PRKDC: variants seen among roughly 807,000 people sequenced by gnomAD.
The protein encoded by PRKDC is DNA-dependent protein kinase catalytic subunit.
PRKDC carries 82 observed loss-of-function variants against 486.9 expected under a neutral mutation model. The ratio of observed to expected loss-of-function variants is 0.17; its 90% CI spans 0.14 to 0.20. The LOEUF is 0.20. PRKDC is among the 10% of genes least tolerant of loss of function. The pLI is 1.00. For missense variants in PRKDC, 4,504 were observed against 5,038.2 expected (o/e 0.89, Z 3.21); for synonymous variants, 1,895 against 1,837.0 (o/e 1.03, Z -0.81).
At chr8:47,794,157 G>C in intron 74 of PRKDC, 133 bp downstream of exon 74, 1 of 739,240 alleles carries the variant, frequency 1.4e-6, no homozygotes. Flanking sequence ...TCAACAAAGC[G>C]ACGGCTAAGA....
At chr8:47,821,174 A>G (rs1440667546) in intron 65 of PRKDC, among the ~76,000 whole-genome samples, 1 of 152,190 alleles carries the variant, frequency 6.6e-6, no homozygotes, top group Non-Finnish European at 1.5e-5. Context: ...AAAAATGGGA[A>G]CTACTTTTGG....
chr8:47,788,516 A>G (rs1054072281), intron 76 of PRKDC, among the ~76,000 whole-genome samples: 1 of 152,198 alleles, frequency 6.6e-6, no homozygotes, highest in Non-Finnish European at 1.5e-5. Context: ...GTATCTCCTG[A>G]GCACCCAGAA....
At chr8:47,798,873 A>G (rs927552657) in intron 72 of PRKDC, among the ~76,000 whole-genome samples, 2 of 151,290 alleles carry the variant, frequency 1.3e-5, no homozygotes, top group Admixed American at 1.3e-4. Context: ...GCAGTAGTGG[A>G]TATCGGCTCA....
intron 9 of PRKDC, among the ~76,000 whole-genome samples, 166 bp downstream of exon 9, chr8:47,943,687 T>A (rs2090483097): frequency 6.6e-6 from 1 of 152,238 alleles, no homozygotes; most frequent in South Asian, 2.1e-4. Context: ...TATCAGCATT[T>A]CAACCAGAGC....
In PRKDC at chr8:47,836,555, T is replaced by TA. The variant is rs912754980; in HGVS notation, c.7762-29dup. The TA allele has an allele frequency of 3.9e-6, 6 of 1,533,382 alleles. No homozygotes were observed. The African/African-American group carries it at 8.2e-5, about 21-fold the overall frequency. 95.0% of individuals were successfully genotyped at this position (1,533,382 alleles called of 1,614,324 possible). ...GTACATAAGAAAGTTTCAAATGAAA[T>TA]AAAGTTTCAAATGAAATAATGCTCC... On this transcript the variant is annotated intron_variant, in intron 57 of 85. Transcript: ENST00000314191.
chr8:47,838,598 C>A (rs965793242), intron 56 of PRKDC, among the ~76,000 whole-genome samples: 1 of 152,144 alleles, frequency 6.6e-6, no homozygotes, highest in African/African-American at 2.4e-5. Context: ...GGTGCCAGAG[C>A]AAGACCTCAT....
At chr8:47,881,889 T>C (rs1272561236) in intron 37 of PRKDC, 23 bp downstream of exon 37, 1 of 1,574,728 alleles carries the variant, frequency 6.4e-7, no homozygotes, top group Non-Finnish European at 8.6e-7. Flanking sequence ...TAAACATGAC[T>C]GCTTTTTAAA....
chr8:47,900,367 A>G lies in PRKDC; in HGVS notation c.3364+6T>C. The G allele has an allele frequency of 1.9e-6, 3 of 1,599,124 alleles. No individual in the cohort carries two copies. The highest frequency in any genetic ancestry group is 2.6e-6 in the Non-Finnish European group (3 of 1,173,620). On this transcript the variant is annotated splice_donor_region_variant and intron_variant, in intron 28 of 85. Transcript: ENST00000314191. ...AACGCACACAGAACACTGAAGCAAA[A>G]CGTACCTAAGGACTTCTCATCTGCA...
intron 21 of PRKDC, among the ~76,000 whole-genome samples, chr8:47,919,956 C>G (rs959755808): frequency 2.6e-5 from 4 of 152,056 alleles, no homozygotes; most frequent in African/African-American, 4.8e-5. Flanking sequence ...CCTGACCCAC[C>G]CAGGGCAGAA....
intron 36 of PRKDC, among the ~76,000 whole-genome samples, chr8:47,885,055 C>T (rs2089297608): frequency 6.6e-6 from 1 of 152,216 alleles, no homozygotes; most frequent in Non-Finnish European, 1.5e-5. Flanking sequence ...CAATACCCTG[C>T]ATAGCTGTGC....
chr8:47,892,841 T>C (rs943349572), intron 31 of PRKDC, among the ~76,000 whole-genome samples: 19 of 152,248 alleles, frequency 1.2e-4, no homozygotes, highest in South Asian at 2.1e-4. Flanking sequence ...ACAGTATTCA[T>C]TGTTCATGGA....
intron 29 of PRKDC, among the ~76,000 whole-genome samples, chr8:47,897,861 T>C (rs546216399): frequency 1.6e-4 from 25 of 152,330 alleles, no homozygotes; most frequent in Admixed American, 3.3e-4. Flanking sequence ...CCAGTCCACA[T>C]GGGACTGTGC....
At chr8:47,834,069 T>C in intron 59 of PRKDC, 127 bp downstream of exon 59, 5 of 1,267,310 alleles carry the variant, frequency 3.9e-6, no homozygotes, top group Non-Finnish European at 5.6e-6. Flanking sequence ...CAACATTAAC[T>C]GAATTTTAAA....
rs368939598 is a variant in PRKDC, at chr8:47,907,396, C to CTATATATA, written c.2935-2428_2935-2421dup. On this transcript the variant is annotated intron_variant, in intron 25 of 85. Transcript: ENST00000314191. ...AGTTTTTTAATACATGTATACATAGCTATATATATATATATACACACACAC... is the reference window on the plus strand; with the variant it reads ...AGTTTTTTAATACATGTATACATAGCTATATATATATATATATATATATACACACACAC... Among the ~76,000 whole-genome samples, 422 of 144,116 alleles carry CTATATATA rather than the reference C, an allele frequency of 2.9e-3. 3 individuals are homozygous for CTATATATA. Among genetic ancestry groups the CTATATATA allele is most frequent in the South Asian group, 0.018 (78 of 4,456 alleles). The allele number at this position is 144,116 out of a possible 152,430, so 94.5% of individuals were successfully genotyped here.
chr8:47,782,886 T>C lies in PRKDC; in HGVS notation c.11176-288A>G, dbSNP rs144272057. 0.017 allele frequency: 7,980 copies of C among 467,866 alleles called. 112 individuals are homozygous for C. The highest frequency in any genetic ancestry group is 0.032 in the Middle Eastern group (56 of 1,762). 29.0% of individuals were successfully genotyped at this position (467,866 alleles called of 1,614,324 possible). ...ACTTTCTACAGTAGTAAGCTAATGC[T>C]ACACATATTTTATAGTGGATACTCA... On this transcript the variant is annotated intron_variant, in intron 78 of 85. Coordinates refer to ENST00000314191, the MANE Select transcript of PRKDC (RefSeq NM_006904.7). This position sits in a 1 kb window ranked among gnomAD's most constrained non-coding sequence, Gnocchi z 4.9.
Position 47,816,161 on chromosome 8 carries a change from C to T in PRKDC, c.9557+1289G>A, listed in dbSNP as rs1380977171. On this transcript the variant is annotated intron_variant, in intron 68 of 85. Transcript: ENST00000314191. ...CCTGGGAGGCGGAGGTTGCAGTGAG[C>T]TGAGATTGTGCCACCGCACTCCAGC... is the stretch of plus-strand genomic sequence containing the variant. Among the ~76,000 whole-genome samples, 6 of 151,864 alleles carry T rather than the reference C, an allele frequency of 4.0e-5. No homozygotes were observed. In the East Asian group the frequency reaches 1.2e-3, roughly 29 times the overall value.
chr8:47,779,912 C>CTTTT (rs925534980), intron 80 of PRKDC, among the ~76,000 whole-genome samples: 3 of 107,066 alleles, frequency 2.8e-5, no homozygotes, highest in Non-Finnish European at 5.8e-5. Context: ...TTTGTTTTGT[C>CTTTT]TTTTTTTTTT....
rs369956808 is a variant in PRKDC, at chr8:47,830,561, C to T, written c.8397+44G>A. The T allele has an allele frequency of 1.2e-5, 19 of 1,601,020 alleles. No individual in the cohort carries two copies. The Admixed American group carries it at 1.8e-4, about 16-fold the overall frequency. ...CATAGGCAAACCCCTGAACTGGAAACAGATTTTAACCTGTCAACAGAAAAC... is the reference window on the plus strand; with the variant it reads ...CATAGGCAAACCCCTGAACTGGAAATAGATTTTAACCTGTCAACAGAAAAC... On this transcript the variant is annotated intron_variant, in intron 61 of 85. Transcript: ENST00000314191.
intron 70 of PRKDC, among the ~76,000 whole-genome samples, chr8:47,802,203 A>C (rs1260008260): frequency 6.6e-6 from 1 of 152,142 alleles, no homozygotes; most frequent in Non-Finnish European, 1.5e-5. Context: ...CAGACTCCCC[A>C]GTAGCTGGGA....
Sources: gnomAD v4.1 joint callset for allele counts (sites outside exome capture counted in the v4.1 genomes callset) on GRCh38, gnomAD v4.1.1 for gene constraint, Gnocchi (gnomAD v3.1) non-coding constraint, MANE v1.5 for transcripts, NCBI Gene and HGNC (gene_info 2026-07-23, HGNC 2026-07-21) for gene names.